Variants in SGCA observed in about 807,000 individuals in gnomAD.
The protein encoded by SGCA is alpha-sarcoglycan.
Under a neutral mutation model 38.1 loss-of-function variants are expected in SGCA, and 34 were observed. The ratio of observed to expected loss-of-function variants is 0.89; its 90% confidence interval spans 0.68 to 1.19. The LOEUF is 1.19. Ranked by LOEUF, SGCA falls within the 50% of genes most tolerant of loss-of-function variation. The probability of loss-of-function intolerance (pLI) is 0.00; values close to 1 mark genes in which losing one functional copy is unlikely to be tolerated. For synonymous variants in SGCA, 209 were observed against 214.6 expected, an observed-to-expected ratio of 0.97 and a Z score of 0.23; for missense variants, 476 against 524.9, an observed-to-expected ratio of 0.91 and a Z score of 0.91.
chr17:50,174,174 A>G (rs554437428), intron 8 of SGCA, among the ~76,000 whole-genome samples: 1 of 152,270 alleles, frequency 6.6e-6, no homozygotes, highest in East Asian at 1.9e-4. Flanking sequence ...ATTTTAAATT[A>G]GCCGAGCATG....
rs2144493588 is a variant in SGCA at position 50,167,506 on chromosome 17, A to G, written c.157+19A>G. ...CATGTCGGTGAGCGGCCTGACAGGCACCCAGGCGGGCGGGCTGGGGTGTAC... is the reference window on the plus strand; with the variant it reads ...CATGTCGGTGAGCGGCCTGACAGGCGCCCAGGCGGGCGGGCTGGGGTGTAC... On this transcript the variant is annotated intron_variant, in intron 2 of 9. Coordinates refer to ENST00000262018, the MANE Select transcript of SGCA (RefSeq NM_000023.4). The surrounding 1 kb of genome is among the most constrained non-coding windows in gnomAD (Gnocchi z 4.5). The G allele has an allele frequency of 6.2e-7, 1 of 1,614,092 alleles. No homozygotes were observed. Among genetic ancestry groups the G allele is most frequent in the South Asian group, 1.1e-5 (1 of 91,080 alleles).
chr17:50,169,412 G>T, intron 6 of SGCA, 158 bp downstream of exon 6: 58 of 329,214 alleles, frequency 1.8e-4, no homozygotes, highest in Middle Eastern at 7.8e-4. Context: ...TTAGTCTGAG[G>T]ATACACACAC....
At chr17:50,168,978 A>T in intron 5 of SGCA, 114 bp from the exon 6 acceptor site, 1 of 974,430 alleles carries the variant, frequency 1.0e-6, no homozygotes, top group Non-Finnish European at 1.6e-6. Flanking sequence ...CGTCTCCCTC[A>T]TCCCATCCCC....
At chr17:50,169,026 C>T (rs1189049648) in intron 5 of SGCA, 66 bp from the exon 6 acceptor site, 2 of 1,475,974 alleles carry the variant, frequency 1.4e-6, no homozygotes, top group Non-Finnish European at 1.9e-6. Flanking sequence ...TCAACAACCC[C>T]TGGCAGAGTG....
In SGCA at chr17:50,167,234, C is replaced by A; in HGVS notation, c.38-134C>A. The A allele has an allele frequency of 7.6e-7, 1 of 1,313,826 alleles. No individual in the cohort carries two copies. Among genetic ancestry groups the A allele is most frequent in the Admixed American group, 2.0e-5 (1 of 50,710 alleles). 81.4% of individuals were successfully genotyped at this position (1,313,826 alleles called of 1,614,324 possible). On this transcript the variant is annotated intron_variant, in intron 1 of 9. Coordinates refer to ENST00000262018, the MANE Select transcript of SGCA (RefSeq NM_000023.4). This position sits in a 1 kb window ranked among gnomAD's most constrained non-coding sequence, Gnocchi z 4.5. ...TGCTCCCCCATCCCCACCCCAATCC[C>A]TTCCTGGGAGGCAGCAAAGGAAGCG...
Position 50,172,487 on chromosome 17 carries a change from A to T in SGCA, c.983+1821A>T, listed in dbSNP as rs546217788. On this transcript the variant is annotated intron_variant, in intron 8 of 9. Transcript: ENST00000262018. ...CATGCCTGGGCGGATTTTATTTTTT[A>T]AAAAATTTTTAGAGAGAGGGTCTCA... is the stretch of plus-strand genomic sequence containing the variant. 1.1e-4 allele frequency: 35 copies of T among 330,832 alleles called. 2 individuals carry two copies. The highest frequency in any genetic ancestry group is 4.8e-4 in the South Asian group (20 of 42,090). The allele number at this position is 330,832 out of a possible 1,614,324, so 20.5% of individuals were successfully genotyped here. A position where few individuals can be genotyped will look rare whatever the true frequency, so the allele number is the denominator to read the frequency against.
intron 8 of SGCA, 75 bp downstream of exon 8, chr17:50,170,741 A>G (rs1905316045): frequency 5.8e-6 from 7 of 1,210,654 alleles, no homozygotes; most frequent in Middle Eastern, 1.9e-4. Context: ...AAACTATGCC[A>G]TGAACAGCAG....
Position 50,168,482 on chromosome 17 carries a change from G to A in SGCA, c.494G>A (p.Trp165Ter), listed in dbSNP as rs1282737293. The A allele has an allele frequency of 6.3e-7, 1 of 1,580,886 alleles. No homozygotes were observed. ...TTCCTCTCAGCCTTGGGGGGACTCTGGGAGCCCGGAGAGCTTCAGCTGCTC... is the reference window on the plus strand; with the variant it reads ...TTCCTCTCAGCCTTGGGGGGACTCTAGGAGCCCGGAGAGCTTCAGCTGCTC... ...SRFLSALGGL[W>*]EPGELQLLNV... Residue 165 changes from tryptophan to a stop codon, truncating the protein, a stop_gained, in exon 5 of 10, where the codon TGG (tryptophan) becomes TAG (stop). Coordinates refer to ENST00000262018, the MANE Select transcript of SGCA (RefSeq NM_000023.4). LOFTEE classifies it high-confidence loss of function.
At chr17:50,166,688 C>A (rs1473171580) in intron 1 of SGCA, among the ~76,000 whole-genome samples, 2 of 141,432 alleles carry the variant, frequency 1.4e-5, no homozygotes, top group South Asian at 2.3e-4. Flanking sequence ...CCACACACAC[C>A]CTCACACACA....
chr17:50,172,480 AT>A (rs1209061229), intron 8 of SGCA: 1 of 325,112 alleles, frequency 3.1e-6, no homozygotes, highest in African/African-American at 2.2e-5. Flanking sequence ...GGCGGATTTT[AT>A]TTTTTAAAAA....
At chr17:50,171,490 G>A (rs1307386293) in intron 8 of SGCA, 1 of 456,654 alleles carries the variant, frequency 2.2e-6, no homozygotes, top group Admixed American at 2.3e-5. Context: ...TGGCACCCCT[G>A]ACTGCTTGCC....
chr17:50,169,947 A>T lies in SGCA; in HGVS notation c.748-196A>T, dbSNP rs1905237799. 7.8e-6 allele frequency: 5 copies of T among 639,756 alleles called. No individual in the cohort carries two copies. The East Asian group carries it at 1.4e-4, about 18-fold the overall frequency. 39.6% of individuals were successfully genotyped at this position (639,756 alleles called of 1,614,324 possible). A position where few individuals can be genotyped will look rare whatever the true frequency, so the allele number is the denominator to read the frequency against. On this transcript the variant is annotated intron_variant, in intron 6 of 9. Transcript: ENST00000262018. ...GGTGATGAAACAGAGGCACATAATC[A>T]TCCTAGCTAAGCACTTGTCTGAGTC...
chr17:50,167,422 T>C lies in SGCA; in HGVS notation c.92T>C (p.Leu31Pro), dbSNP rs903823830. 10 of 1,614,140 alleles carry C rather than the reference T, an allele frequency of 6.2e-6. No homozygotes were observed. The highest frequency in any genetic ancestry group is 8.5e-6 in the Non-Finnish European group (10 of 1,180,008). Residue 31 changes from leucine (L) to proline (P), a missense_variant, in exon 2 of 10, where the codon CTT becomes CCT. Coordinates refer to ENST00000262018, the MANE Select transcript of SGCA (RefSeq NM_000023.4). The surrounding 1 kb of genome is among the most constrained non-coding windows in gnomAD (Gnocchi z 4.5). ...TEAQQTTLHP[L>P]VGRVFVHTLD... ...GCCCAGCAGACCACGCTACACCCAC[T>C]TGTGGGCCGTGTCTTTGTGCACACC...
chr17:50,169,868 A>G, intron 6 of SGCA: 1 of 554,166 alleles, frequency 1.8e-6, no homozygotes. Context: ...AACATATTTT[A>G]TGCTCACCAC....
chr17:50,169,766 A>G, intron 6 of SGCA: 1 of 394,156 alleles, frequency 2.5e-6, no homozygotes, highest in Non-Finnish European at 4.8e-6. Context: ...TGAATTGACC[A>G]ACAGAGCAGG....
intron 8 of SGCA, chr17:50,172,073 C>T (rs913150387): frequency 3.3e-5 from 15 of 453,382 alleles, no homozygotes; most frequent in Admixed American, 7.1e-5. Flanking sequence ...ACCTCCAGGG[C>T]GGCTGGAAGT....
intron 4 of SGCA, 133 bp downstream of exon 4, chr17:50,168,152 G>A: frequency 1.1e-6 from 1 of 907,298 alleles, no homozygotes; most frequent in Admixed American, 1.9e-5. Context: ...GTGGGGACAA[G>A]GCTCTCAGGG....
At chr17:50,174,145 A>G (rs2696290) in intron 8 of SGCA, among the ~76,000 whole-genome samples, 137,979 of 151,988 alleles carry the variant, frequency 0.91, 63,185 homozygotes, top group East Asian at 1. Flanking sequence ...ATAGTAAGAC[A>G]CCTGTCTCTA....
chr17:50,175,330 G>A lies in SGCA; in HGVS notation c.1057G>A (p.Val353Met), dbSNP rs1905844536. The A allele has an allele frequency of 1.2e-6, 2 of 1,610,376 alleles. No homozygotes were observed. Among genetic ancestry groups the A allele is most frequent in the Non-Finnish European group, 8.5e-7 (1 of 1,179,206 alleles). ...GCGGCAGATGGCGGCCAGCCGCGAG[G>A]TGCCCCGGCCACTCTCCACCCTGCC... Reference protein sequence around the residue: ...ELRQMAASREVPRPLSTLPMF... With the variant: ...ELRQMAASREMPRPLSTLPMF... The change falls in exon 9 of 10, where the codon GTG becomes ATG. Residue 353 changes from valine to methionine, a missense_variant. Coordinates refer to ENST00000262018, the MANE Select transcript of SGCA (RefSeq NM_000023.4).
Sources: gnomAD v4.1 joint callset for allele counts (sites outside exome capture counted in the v4.1 genomes callset) on GRCh38, gnomAD v4.1.1 for gene constraint, Gnocchi (gnomAD v3.1) non-coding constraint, MANE v1.5 for transcripts, NCBI Gene and HGNC (gene_info 2026-07-23, HGNC 2026-07-21) for gene names.